Variants in PEX2 observed in about 807,000 individuals in gnomAD.
The protein encoded by PEX2 is peroxisome biogenesis factor 2.
A neutral mutation model predicts 25.2 loss-of-function variants in PEX2; 19 were observed. The observed-to-expected ratio is 0.75, with a 90% CI of 0.53 to 1.10. PEX2 has a LOEUF of 1.10. PEX2 is among the 50% of genes least tolerant of loss of function. PEX2 has a pLI of 0.00. For missense variants in PEX2, 347 were observed against 350.6 expected, an observed-to-expected ratio of 0.99 and a Z score of 0.08; for synonymous variants, 141 against 127.7, an observed-to-expected ratio of 1.10 and a Z score of -0.70.
chr8:77,000,477 A>T (rs1807479925), upstream of PEX2, among the ~76,000 whole-genome samples: 1 of 151,990 alleles, frequency 6.6e-6, no homozygotes, highest in Non-Finnish European at 1.5e-5. Flanking sequence ...TGGCGGCGAG[A>T]CGCCTCCGCG....
intron 2 of PEX2, 23 bp from the exon 3 acceptor site, chr8:76,986,319 T>C (rs578223326): frequency 2.0e-5 from 3 of 152,262 alleles, no homozygotes; most frequent in Non-Finnish European, 4.4e-5. Context: ...AAGAATAAAG[T>C]TTAAAAGGGA....
At chr8:76,995,100 A>G (rs1444478554) in intron 1 of PEX2, among the ~76,000 whole-genome samples, 2 of 152,242 alleles carry the variant, frequency 1.3e-5, no homozygotes, top group Non-Finnish European at 2.9e-5. Flanking sequence ...CACTGTGAAC[A>G]GGCCTAACAA....
At position 76,983,798 on chromosome 8, in the gene PEX2, A is replaced by G. The variant is rs1806915769; in HGVS notation, c.381T>C (p.His127=). 9 of 1,614,152 alleles carry G rather than the reference A, an allele frequency of 5.6e-6. No individual in the cohort carries two copies. The highest frequency in any genetic ancestry group is 7.6e-6 in the Non-Finnish European group (9 of 1,180,036). ...EERCYDLFRN[H]HLASFGKVKQ... is the part of the protein sequence containing the mutation. ...TGACTTTCCCAAATGATGCTAAATGATGGTTTCGAAACAAATCATAGCATC... is the reference window on the plus strand; with the variant it reads ...TGACTTTCCCAAATGATGCTAAATGGTGGTTTCGAAACAAATCATAGCATC... Residue 127 remains histidine (H), a synonymous_variant, in exon 4 of 4, where the codon CAT becomes CAC. Coordinates refer to ENST00000357039, the MANE Select transcript of PEX2 (RefSeq NM_000318.3).
chr8:76,987,332 C>A (rs1191136030), intron 2 of PEX2, among the ~76,000 whole-genome samples: 1 of 152,140 alleles, frequency 6.6e-6, no homozygotes, highest in Non-Finnish European at 1.5e-5. Context: ...AATACCTAAG[C>A]AGCCACCTGA....
intron 1 of PEX2, among the ~76,000 whole-genome samples, chr8:76,999,147 T>C (rs1299613376): frequency 1.3e-5 from 2 of 152,144 alleles, no homozygotes; most frequent in Non-Finnish European, 2.9e-5. Context: ...TAAGTAAAGG[T>C]AACACTTTAG....
At chr8:76,990,726 T>A (rs903165252) in intron 1 of PEX2, among the ~76,000 whole-genome samples, 1 of 152,018 alleles carries the variant, frequency 6.6e-6, no homozygotes, top group Non-Finnish European at 1.5e-5. Flanking sequence ...CCATCTTATA[T>A]GGATACAGTT....
chr8:76,996,404 G>A (rs34389994), intron 1 of PEX2, among the ~76,000 whole-genome samples: 2,798 of 152,218 alleles, frequency 0.018, 45 homozygotes, highest in Middle Eastern at 0.095. Context: ...TACTGACAAC[G>A]CGGTAATGGA....
intron 1 of PEX2, among the ~76,000 whole-genome samples, chr8:76,996,715 C>T (rs1188281547): frequency 6.6e-6 from 1 of 152,150 alleles, no homozygotes; most frequent in Non-Finnish European, 1.5e-5. Context: ...CCCAAAGGAA[C>T]AAAGAGCCAT....
At chr8:76,992,725 T>C (rs1372381677) in intron 1 of PEX2, among the ~76,000 whole-genome samples, 1 of 152,198 alleles carries the variant, frequency 6.6e-6, no homozygotes, top group African/African-American at 2.4e-5. Context: ...ATGTAACAAA[T>C]ATATACTGGA....
chr8:76,998,172 G>C (rs1240463127), intron 1 of PEX2, among the ~76,000 whole-genome samples: 2 of 152,082 alleles, frequency 1.3e-5, no homozygotes, highest in East Asian at 3.8e-4. Flanking sequence ...CTGAGAATGT[G>C]GATGGTGTGC....
intron 1 of PEX2, among the ~76,000 whole-genome samples, chr8:76,998,022 G>C (rs1163929945): frequency 6.6e-6 from 1 of 152,186 alleles, no homozygotes; most frequent in Non-Finnish European, 1.5e-5. Context: ...CAGAAAAGAG[G>C]TACAGAGAAC....
intron 2 of PEX2, among the ~76,000 whole-genome samples, chr8:76,986,696 C>T (rs4735749): frequency 1.3e-5 from 2 of 151,982 alleles, no homozygotes; most frequent in Non-Finnish European, 2.9e-5. Context: ...AAAACTCATA[C>T]TAAGATTTTA....
At chr8:76,991,173 T>G (rs997817774) in intron 1 of PEX2, among the ~76,000 whole-genome samples, 3 of 152,196 alleles carry the variant, frequency 2.0e-5, no homozygotes, top group Non-Finnish European at 4.4e-5. Flanking sequence ...AGTGAGTGGT[T>G]TGTCAGAAGA....
In PEX2 at chr8:76,980,414, A is replaced by C. The variant is rs1454813693; in HGVS notation, c.*2847T>G. On this transcript the variant is annotated 3_prime_UTR_variant, in exon 4 of 4. Coordinates refer to ENST00000357039, the MANE Select transcript of PEX2 (RefSeq NM_000318.3). ...AATGAGTAAGGCAAATGTAGACTCT[A>C]ACTAGTAGAGATCTGCCAGCATCCA... 6.6e-6 allele frequency: 1 copy of C among 152,226 alleles called. No homozygotes were observed. The highest frequency in any genetic ancestry group is 1.5e-5 in the Non-Finnish European group (1 of 68,044). The allele number at this position is 152,226 out of a possible 1,614,324, so 9.4% of individuals were successfully genotyped here.
rs1563607900 is a variant in PEX2 at position 76,985,688 on chromosome 8, T to TAAAGGC, written c.-18+498_-18+499insGCCTTT. Among the ~76,000 whole-genome samples, 24 of 152,288 alleles carry TAAAGGC rather than the reference T, an allele frequency of 1.6e-4. No individual in the cohort carries two copies. The South Asian group carries it at 4.8e-3, about 30-fold the overall frequency. ...CGGGCTTGATTATCATGTCTAGGCC[T>TAAAGGC]TTAAAAAGCCAATACCCTAACAGAA... On this transcript the variant is annotated intron_variant, in intron 3 of 3. Coordinates refer to ENST00000357039, the MANE Select transcript of PEX2 (RefSeq NM_000318.3).
chr8:76,993,444 T>C (rs4346973), intron 1 of PEX2, among the ~76,000 whole-genome samples: 149,434 of 152,244 alleles, frequency 0.98, 73,356 homozygotes, highest in Middle Eastern at 0.99. Flanking sequence ...TATACTATCC[T>C]TTCACATTTT....
At chr8:76,985,559 T>A (rs960775750) in intron 3 of PEX2, among the ~76,000 whole-genome samples, 10 of 152,186 alleles carry the variant, frequency 6.6e-5, no homozygotes, top group African/African-American at 2.4e-4. Context: ...TATGAAATCA[T>A]TACATTGCAC....
intron 1 of PEX2, among the ~76,000 whole-genome samples, chr8:76,998,911 T>G (rs902322511): frequency 2.0e-5 from 3 of 151,944 alleles, no homozygotes; most frequent in Non-Finnish European, 4.4e-5. Context: ...AGTCTAATAC[T>G]CTTCAGTCTA....
intron 1 of PEX2, among the ~76,000 whole-genome samples, chr8:76,998,463 T>C (rs1466292676): frequency 2.6e-5 from 4 of 152,102 alleles, no homozygotes; most frequent in Non-Finnish European, 5.9e-5. Flanking sequence ...TTTGTATTGA[T>C]AAAATAAATT....
Sources: gnomAD v4.1 joint callset for allele counts (sites outside exome capture counted in the v4.1 genomes callset) on GRCh38, gnomAD v4.1.1 for gene constraint, MANE v1.5 for transcripts, NCBI Gene and HGNC (gene_info 2026-07-23, HGNC 2026-07-21) for gene names.